Variants in FNBP4 observed in about 807,000 individuals in gnomAD.
FNBP4 encodes formin binding protein 4.
In FNBP4, 34 loss-of-function variants were observed where a neutral mutation model predicts 119.3. The observed-to-expected ratio is 0.28, with a 90% CI of 0.22 to 0.38. The LOEUF (loss-of-function observed/expected upper bound fraction) is 0.38, where lower values mean the gene tolerates loss of function less well. FNBP4 is among the 10% of genes least tolerant of loss of function. FNBP4 has a pLI of 1.00. For synonymous variants in FNBP4, 462 were observed against 430.6 expected (o/e 1.07, Z -0.90); for missense variants, 1,112 against 1,228.9 (o/e 0.90, Z 1.42).
Position 47,767,222 on chromosome 11 carries a change from G to A in FNBP4, c.67C>T (p.Arg23Trp), listed in dbSNP as rs1413955057. 1.3e-6 allele frequency: 2 copies of A among 1,569,486 alleles called. No homozygotes were observed. The highest frequency in any genetic ancestry group is 2.4e-5 in the East Asian group (1 of 42,484). Residue 23 changes from arginine to tryptophan, a missense_variant, in exon 1 of 17, where the codon CGG (arginine) becomes TGG (tryptophan). By Grantham distance (101) the Arg-to-Trp change is moderately radical. Transcript: ENST00000263773. Reference protein sequence around the residue: ...PILQLSPPGPRGSTPGRDPEP... With the variant: ...PILQLSPPGPWGSTPGRDPEP... Reference sequence around the variant, plus strand: ...GGGTCCCGGCCCGGCGTGCTGCCCCGAGGACCCGGCGGAGAGAGTTGCAGG... The same window carrying A: ...GGGTCCCGGCCCGGCGTGCTGCCCCAAGGACCCGGCGGAGAGAGTTGCAGG...
chr11:47,761,436 T>C (rs1171828223), intron 2 of FNBP4, among the ~76,000 whole-genome samples: 1 of 151,904 alleles, frequency 6.6e-6, no homozygotes, highest in Admixed American at 6.6e-5. Context: ...CTACTAAAAA[T>C]ATAAAATTAG....
At position 47,724,508 on chromosome 11, in the gene FNBP4, G is replaced by C; in HGVS notation, c.2279C>G (p.Pro760Arg). 1 of 1,614,224 alleles carries C rather than the reference G, an allele frequency of 6.2e-7. No individual in the cohort carries two copies. Among genetic ancestry groups the C allele is most frequent in the Non-Finnish European group, 8.5e-7 (1 of 1,180,034 alleles). Residue 760 changes from proline to arginine, a missense_variant, in exon 13 of 17, where the codon CCT becomes CGT. Transcript: ENST00000263773. ...PPAPGTEEDTPLKPSAQTTVV... is the reference protein window; with the variant it reads ...PPAPGTEEDTRLKPSAQTTVV... Reference sequence around the variant, plus strand: ...TGTGGTTTGTGCTGAAGGTTTCAAAGGGGTATCTTCCTCTGTTCCTGGGGC... The same window carrying C: ...TGTGGTTTGTGCTGAAGGTTTCAAACGGGTATCTTCCTCTGTTCCTGGGGC...
chr11:47,750,514 A>G (rs2097600183), intron 6 of FNBP4, among the ~76,000 whole-genome samples: 1 of 150,368 alleles, frequency 6.7e-6, no homozygotes, highest in Non-Finnish European at 1.5e-5. Flanking sequence ...ACAGTGAAAC[A>G]CCGTCTCCAC....
At chr11:47,719,502 C>T (rs1306239193) in intron 16 of FNBP4, among the ~76,000 whole-genome samples, 1 of 151,372 alleles carries the variant, frequency 6.6e-6, no homozygotes, top group African/African-American at 2.4e-5. Context: ...ATCATTTGTA[C>T]AATAATGTGT....
chr11:47,735,543 A>G (rs1044208137), intron 9 of FNBP4, among the ~76,000 whole-genome samples: 1 of 152,228 alleles, frequency 6.6e-6, no homozygotes, highest in Non-Finnish European at 1.5e-5. Context: ...CAGGAATTAA[A>G]TCTGTGACTT....
In FNBP4 at chr11:47,732,408, C is replaced by T. The variant is rs1386746948; in HGVS notation, c.1820+129G>A. ...AAACTTTGTGCTTGCGGTGCTTTGC[C>T]TGCCCAGCACCGCTAACTGCAGCTG... On this transcript the variant is annotated intron_variant, in intron 11 of 16. Coordinates refer to ENST00000263773, the MANE Select transcript of FNBP4 (RefSeq NM_015308.5). The surrounding 1 kb of genome is among the most constrained non-coding windows in gnomAD (Gnocchi z 4.2). The T allele has an allele frequency of 7.0e-5, 107 of 1,519,602 alleles. No homozygotes were observed. The highest frequency in any genetic ancestry group is 8.5e-5 in the Non-Finnish European group (97 of 1,135,670). The allele number at this position is 1,519,602 out of a possible 1,614,324, so 94.1% of individuals were successfully genotyped here. A position where few individuals can be genotyped will look rare whatever the true frequency, so the allele number is the denominator to read the frequency against.
At position 47,737,184 on chromosome 11, in the gene FNBP4, C is replaced by T. The variant is rs1007354234; in HGVS notation, c.1457-444G>A. On this transcript the variant is annotated intron_variant, in intron 8 of 16. Transcript: ENST00000263773. ...CCAGCCTGGGTGACAGAGTGAGACT[C>T]CATCTCAAAAAATAAATAAATAAAA... Among the ~76,000 whole-genome samples the T allele has an allele frequency of 3.9e-5, 6 of 152,152 alleles. No homozygotes were observed. In the East Asian group the frequency reaches 1.2e-3, roughly 29 times the overall value.
intron 16 of FNBP4, 48 bp from the exon 17 acceptor site, chr11:47,717,560 A>T (rs578062984): frequency 9.1e-6 from 12 of 1,315,522 alleles, no homozygotes; most frequent in Non-Finnish European, 1.3e-5. Flanking sequence ...AAAATTAACA[A>T]AAGTATTCAT....
chr11:47,724,934 GCTC>G, intron 12 of FNBP4, 156 bp from the exon 13 acceptor site: 1 of 1,156,714 alleles, frequency 8.6e-7, no homozygotes, highest in Non-Finnish European at 1.1e-6. Flanking sequence ...GCAGGGAATG[GCTC>G]CTTCCTTGAA....
rs2097569160 is a variant in FNBP4, at chr11:47,732,945, CT to C, written c.1687-276del. Among the ~76,000 whole-genome samples the C allele has an allele frequency of 6.6e-6, 1 of 152,128 alleles. No individual in the cohort carries two copies. Among genetic ancestry groups the C allele is most frequent in the African/African-American group, 2.4e-5 (1 of 41,436 alleles). ...CCAGCCTGGCCAACAAGGTGAGACC[CT>C]GTCTGTACTAAAAATACAAAAATTA... On this transcript the variant is annotated intron_variant, in intron 10 of 16. Transcript: ENST00000263773. This position sits in a 1 kb window ranked among gnomAD's most constrained non-coding sequence, Gnocchi z 4.2.
intron 8 of FNBP4, 33 bp from the exon 9 acceptor site, chr11:47,736,773 T>C (rs373913796): frequency 2.7e-5 from 42 of 1,557,720 alleles, no homozygotes; most frequent in Non-Finnish European, 3.5e-5. Flanking sequence ...TAAACCAAAG[T>C]ACCAATACTT....
chr11:47,763,719 C>G (rs1400615489), intron 2 of FNBP4, among the ~76,000 whole-genome samples: 4 of 152,216 alleles, frequency 2.6e-5, no homozygotes, highest in African/African-American at 9.6e-5. Context: ...CCAGGATGGT[C>G]TCGATCTCCT....
Position 47,731,287 on chromosome 11 carries a change from G to A in FNBP4, c.2008+87C>T, listed in dbSNP as rs2097567098. 11 of 1,251,062 alleles carry A rather than the reference G, an allele frequency of 8.8e-6. No individual in the cohort carries two copies. In the South Asian group the frequency reaches 1.6e-4, roughly 18 times the overall value. The allele number at this position is 1,251,062 out of a possible 1,614,324, so 77.5% of individuals were successfully genotyped here. A position where few individuals can be genotyped will look rare whatever the true frequency, so the allele number is the denominator to read the frequency against. On this transcript the variant is annotated intron_variant, in intron 12 of 16. Transcript: ENST00000263773. ...CTCAATCAGAAGCTTATATTATTAT[G>A]ACATAAAATCTTTTAATAATGTAAA...
chr11:47,739,607 A>G (rs1286057273), intron 8 of FNBP4, among the ~76,000 whole-genome samples: 1 of 152,216 alleles, frequency 6.6e-6, no homozygotes, highest in Non-Finnish European at 1.5e-5. Context: ...ATTGTGAAAC[A>G]GGTTAACAAA....
At chr11:47,762,906 C>CAAAAAAA (rs56659957) in intron 2 of FNBP4, among the ~76,000 whole-genome samples, 1,354 of 99,992 alleles carry the variant, frequency 0.014, 62 homozygotes, top group Non-Finnish European at 0.02. Context: ...ACTCTGATTC[C>CAAAAAAA]AAAAAAAAAA....
chr11:47,723,004 T>C lies in FNBP4; in HGVS notation c.2777A>G (p.Glu926Gly). 1 of 1,555,180 alleles carries C rather than the reference T, an allele frequency of 6.4e-7. No homozygotes were observed. The highest frequency in any genetic ancestry group is 8.7e-7 in the Non-Finnish European group (1 of 1,150,016). ...GTCTTTCCTTCCTTTTTTTGTCTTTTCAGGTGGTGGCATTTTGGGAGCTGG... is the reference window on the plus strand; with the variant it reads ...GTCTTTCCTTCCTTTTTTTGTCTTTCCAGGTGGTGGCATTTTGGGAGCTGG... ...PPPAPKMPPP[E>G]KTKKGRKDKA... Residue 926 changes from glutamate to glycine, a missense_variant, in exon 15 of 17, where the codon GAA (glutamate) becomes GGA (glycine). Transcript: ENST00000263773.
intron 8 of FNBP4, among the ~76,000 whole-genome samples, chr11:47,742,477 C>CAAAAAAAAAAAAAAAAAAAAAA (rs568784009): frequency 2.5e-4 from 6 of 23,760 alleles, no homozygotes; most frequent in African/African-American, 7.7e-4. Flanking sequence ...GACTCCGTCT[C>CAAAAAAAAAAAAAAAAAAAAAA]AAAAAAAAAA....
At chr11:47,728,270 C>T (rs949787106) in intron 12 of FNBP4, among the ~76,000 whole-genome samples, 11 of 151,050 alleles carry the variant, frequency 7.3e-5, no homozygotes, top group Admixed American at 4.6e-4. Flanking sequence ...TTTTTTAAGA[C>T]GGAGTCTTTA....
At chr11:47,726,488 T>A (rs1025092846) in intron 12 of FNBP4, 5 of 151,796 alleles carry the variant, frequency 3.3e-5, no homozygotes, top group African/African-American at 1.2e-4. Flanking sequence ...TTTTACTTTT[T>A]ATGGAACAGA....
Sources: allele counts gnomAD v4.1 joint callset (sites outside exome capture counted in the v4.1 genomes callset), GRCh38; gene constraint gnomAD v4.1.1; non-coding constraint Gnocchi (gnomAD v3.1); transcripts MANE v1.5; gene names NCBI Gene and HGNC (gene_info 2026-07-23, HGNC 2026-07-21).